Variants in PRDM1 observed in about 807,000 individuals in gnomAD.
PRDM1 encodes the protein PR/SET domain 1.
A neutral mutation model predicts 62.8 loss-of-function variants in PRDM1; 13 were observed. That is an observed-to-expected ratio of 0.21 (90% CI 0.13 to 0.33). PRDM1 has a LOEUF of 0.33. Among genes scored for constraint, PRDM1 ranks in the 10% least tolerant of loss-of-function variants. The probability of loss-of-function intolerance (pLI) is 1.00; values close to 1 mark genes in which losing one functional copy is unlikely to be tolerated. For missense variants in PRDM1, 895 were observed against 1,058.8 expected (o/e 0.85, Z 2.15); for synonymous variants, 396 against 417.6 (o/e 0.95, Z 0.63).
In PRDM1 at chr6:106,098,200, G is replaced by A. The variant is rs926653483; in HGVS notation, c.412-1100G>A. 13 of 985,060 alleles carry A rather than the reference G, an allele frequency of 1.3e-5. No individual in the cohort carries two copies. In the African/African-American group the frequency reaches 1.9e-4, roughly 15 times the overall value. 61.0% of individuals were successfully genotyped at this position (985,060 alleles called of 1,614,324 possible). A position where few individuals can be genotyped will look rare whatever the true frequency, so the allele number is the denominator to read the frequency against. ...TACTGCTGCTTGGAGACTGCAAGTCGCAGATCACACTAGGTATTGACTGAT... is the reference window on the plus strand; with the variant it reads ...TACTGCTGCTTGGAGACTGCAAGTCACAGATCACACTAGGTATTGACTGAT... On this transcript the variant is annotated intron_variant, in intron 3 of 6. Coordinates refer to ENST00000369096, the MANE Select transcript of PRDM1 (RefSeq NM_001198.4).
At position 106,071,013 on chromosome 6, in the gene PRDM1, G is replaced by A. The variant is rs559714301; in HGVS notation, c.-66-17188G>A. Among the ~76,000 whole-genome samples the A allele has an allele frequency of 8.5e-5, 13 of 152,350 alleles. No individual in the cohort carries two copies. The East Asian group carries it at 2.3e-3, about 27-fold the overall frequency. Reference sequence around the variant, plus strand: ...TGGCCTGATGCAGTAGCTCATGCCTGTAATAGCAGCACTTTCGGAGGCCAA... The same window carrying A: ...TGGCCTGATGCAGTAGCTCATGCCTATAATAGCAGCACTTTCGGAGGCCAA... On this transcript the variant is annotated intron_variant, in intron 1 of 6. Transcript: ENST00000651185.
chr6:106,045,162 A>G (rs1443156877), upstream of PRDM1, among the ~76,000 whole-genome samples: 1 of 152,212 alleles, frequency 6.6e-6, no homozygotes, highest in Non-Finnish European at 1.5e-5. Context: ...TAGCTAATTC[A>G]GGAACTATCC....
Position 106,056,857 on chromosome 6 carries a change from C to G in PRDM1, c.-67+8143C>G, listed in dbSNP as rs564136340. Among the ~76,000 whole-genome samples, 4 of 95,386 alleles carry G rather than the reference C, an allele frequency of 4.2e-5. No individual in the cohort carries two copies. The East Asian group carries it at 8.4e-4, about 20-fold the overall frequency. The allele number at this position is 95,386 out of a possible 152,430, so 62.6% of individuals were successfully genotyped here. Reference sequence around the variant, plus strand: ...ATAAGGTTTTGAAGCTCTAGCACTGCTTGTGTTTGTTATTTGGCTTGGGAA... The same window carrying G: ...ATAAGGTTTTGAAGCTCTAGCACTGGTTGTGTTTGTTATTTGGCTTGGGAA... On this transcript the variant is annotated intron_variant, in intron 1 of 6. Transcript: ENST00000651185.
At chr6:106,039,856 G>T (rs1772969263) in intron 1 of PRDM1, among the ~76,000 whole-genome samples, 1 of 152,210 alleles carries the variant, frequency 6.6e-6, no homozygotes, top group Non-Finnish European at 1.5e-5. Flanking sequence ...CTAGTCCATA[G>T]CGGCTTAGCG....
intron 1 of PRDM1, among the ~76,000 whole-genome samples, chr6:106,002,787 A>G (rs1229539712): frequency 6.6e-6 from 1 of 152,096 alleles, no homozygotes; most frequent in African/African-American, 2.4e-5. Context: ...GTGTTTACCT[A>G]TAGAGAGTGT....
chr6:106,103,544 G>A (rs780469051), intron 4 of PRDM1, among the ~76,000 whole-genome samples: 24 of 152,148 alleles, frequency 1.6e-4, no homozygotes, highest in Non-Finnish European at 2.6e-4. Context: ...AATAATCAGA[G>A]CTCAAACTAA....
At position 106,095,610 on chromosome 6, in the gene PRDM1, T is replaced by C; in HGVS notation, c.292-5T>C. On this transcript the variant is annotated splice_region_variant and splice_polypyrimidine_tract_variant and intron_variant, in intron 2 of 6. Coordinates refer to ENST00000369096, the MANE Select transcript of PRDM1 (RefSeq NM_001198.4). Reference sequence around the variant, plus strand: ...TAATTGTTTCCTGTGTTTTTTCCTGTTTAGGTTATTGGAGTGATGAGTAAA... The same window carrying C: ...TAATTGTTTCCTGTGTTTTTTCCTGCTTAGGTTATTGGAGTGATGAGTAAA... 6.2e-7 allele frequency: 1 copy of C among 1,612,400 alleles called. No individual in the cohort carries two copies. The highest frequency in any genetic ancestry group is 1.3e-5 in the African/African-American group (1 of 74,952).
At chr6:106,084,059 C>T (rs1024854519), upstream of PRDM1, among the ~76,000 whole-genome samples, 17 of 152,104 alleles carry the variant, frequency 1.1e-4, no homozygotes, top group Non-Finnish European at 2.5e-4. Flanking sequence ...AGCTTCCTTT[C>T]TTTTATTTCT....
upstream of PRDM1, among the ~76,000 whole-genome samples, chr6:106,085,819 C>A (rs1295115704): frequency 7.5e-6 from 1 of 134,128 alleles, no homozygotes; most frequent in East Asian, 2.2e-4. Flanking sequence ...CAAGTTTGAA[C>A]GTTAGCAGGA....
intron 1 of PRDM1, among the ~76,000 whole-genome samples, chr6:106,033,388 A>G (rs1293025110): frequency 6.6e-6 from 1 of 151,924 alleles, no homozygotes; most frequent in Admixed American, 6.6e-5. Context: ...CCTGACTTCA[A>G]GCGATCCTCC....
At chr6:105,993,199 TC>T (rs1401618403), upstream of PRDM1, among the ~76,000 whole-genome samples, 3 of 152,220 alleles carry the variant, frequency 2.0e-5, no homozygotes, top group African/African-American at 7.2e-5. Context: ...TAACTCAGTA[TC>T]TTAATTTAAA....
upstream of PRDM1, among the ~76,000 whole-genome samples, chr6:106,085,610 C>T (rs1489196831): frequency 2.0e-5 from 3 of 152,166 alleles, no homozygotes; most frequent in Non-Finnish European, 4.4e-5. Flanking sequence ...CTGCCTCCGA[C>T]CGCTTTCCAC....
chr6:106,090,596 A>G (rs1362820026), intron 2 of PRDM1, among the ~76,000 whole-genome samples: 4 of 152,224 alleles, frequency 2.6e-5, no homozygotes, highest in Non-Finnish European at 5.9e-5. Context: ...TTGAGCCATT[A>G]AGGGTAGGAT....
intron 1 of PRDM1, among the ~76,000 whole-genome samples, chr6:106,064,774 G>A (rs1416909520): frequency 6.6e-6 from 1 of 152,196 alleles, no homozygotes; most frequent in Non-Finnish European, 1.5e-5. Flanking sequence ...ACTTTCTGGG[G>A]ATAGGGTGGG....
At chr6:106,007,378 C>T (rs1007412746) in intron 1 of PRDM1, among the ~76,000 whole-genome samples, 3 of 151,546 alleles carry the variant, frequency 2.0e-5, no homozygotes, top group South Asian at 2.1e-4. Flanking sequence ...TGCAGTGAGC[C>T]GAGATGGCGC....
intron 4 of PRDM1, among the ~76,000 whole-genome samples, chr6:106,102,479 G>T: frequency 6.6e-6 from 1 of 152,198 alleles, no homozygotes; most frequent in East Asian, 1.9e-4. Context: ...AGGCATTAGA[G>T]ATAGCAAACA....
intron 1 of PRDM1, among the ~76,000 whole-genome samples, chr6:106,034,702 G>C (rs902229818): frequency 3.9e-5 from 5 of 129,548 alleles, no homozygotes; most frequent in Non-Finnish European, 7.7e-5. Flanking sequence ...AGTGATCTTA[G>C]CTCACTGCAA....
Position 106,105,016 on chromosome 6 carries a change from C to T in PRDM1, c.856C>T (p.Arg286Cys), listed in dbSNP as rs771056895. The part of the protein sequence containing the change: ...SEKDLDDFRR[R>C]GSPEMPFYPR... ...AAAGGACCTCGATGACTTTAGAAGA[C>T]GTGGGAGCCCCGAAATGCCCTTCTA... Residue 286 changes from arginine to cysteine, a missense_variant, in exon 5 of 7, where the codon CGT (arginine) becomes TGT (cysteine). By Grantham distance (180) the Arg-to-Cys change is radical (BLOSUM62 -3). Coordinates refer to ENST00000369096, the MANE Select transcript of PRDM1 (RefSeq NM_001198.4). 4 of 1,614,126 alleles carry T rather than the reference C, an allele frequency of 2.5e-6. No individual in the cohort carries two copies. In the East Asian group the frequency reaches 6.7e-5, roughly 27 times the overall value.
At chr6:106,052,310 T>C (rs4394268) in intron 1 of PRDM1, among the ~76,000 whole-genome samples, 135,968 of 152,200 alleles carry the variant, frequency 0.89, 60,803 homozygotes, top group South Asian at 0.94. Context: ...AGATTTTTTG[T>C]TTGTTTTTTC....
Sources: allele counts gnomAD v4.1 joint callset (sites outside exome capture counted in the v4.1 genomes callset), GRCh38; gene constraint gnomAD v4.1.1; transcripts MANE v1.5; gene names NCBI Gene and HGNC (gene_info 2026-07-23, HGNC 2026-07-21).